NFIB: variants seen among roughly 807,000 people sequenced by gnomAD.
NFIB encodes nuclear factor 1 B-type.
In NFIB, 11 loss-of-function variants were observed where a neutral mutation model predicts 61.5. The observed-to-expected ratio is 0.18, with a 90% confidence interval of 0.11 to 0.30. The LOEUF is 0.30. Among genes scored for constraint, NFIB ranks in the 10% least tolerant of loss-of-function variants. The pLI is 1.00. For synonymous variants in NFIB, 260 were observed against 216.5 expected, an observed-to-expected ratio of 1.20 and a Z score of -1.76; for missense variants, 471 against 608.9, an observed-to-expected ratio of 0.77 and a Z score of 2.38.
intron 1 of NFIB, among the ~76,000 whole-genome samples, chr9:14,334,574 C>T (rs1171114314): frequency 6.6e-6 from 1 of 152,130 alleles, no homozygotes; most frequent in African/African-American, 2.4e-5. Flanking sequence ...GTATACTCTA[C>T]ACGTGAGTCC....
At chr9:14,178,704 C>G (rs1368385736) in intron 3 of NFIB, among the ~76,000 whole-genome samples, 1 of 152,066 alleles carries the variant, frequency 6.6e-6, no homozygotes, top group Non-Finnish European at 1.5e-5. Flanking sequence ...CTGTATCTTT[C>G]TAAAATCATT....
chr9:14,220,890 A>ACACACACCACAT (rs2131830310), intron 2 of NFIB, among the ~76,000 whole-genome samples: 1 of 74,334 alleles, frequency 1.3e-5, no homozygotes, highest in African/African-American at 4.8e-5. Context: ...CACACACCAC[A>ACACACACCACAT]TCCCATCTTC....
chr9:14,392,881 T>C (rs2061641837), intron 1 of NFIB, among the ~76,000 whole-genome samples: 1 of 152,226 alleles, frequency 6.6e-6, no homozygotes, highest in Admixed American at 6.5e-5. Context: ...GGTTAATCCA[T>C]GAGCTGCTTA....
chr9:14,114,032 G>T (rs552120469), intron 9 of NFIB, among the ~76,000 whole-genome samples: 1 of 152,136 alleles, frequency 6.6e-6, no homozygotes, highest in Non-Finnish European at 1.5e-5. Flanking sequence ...TTATTGTTCT[G>T]AAGAAAGCTA....
chr9:14,398,296 T>TTATC (rs1341631229), intron 1 of NFIB, among the ~76,000 whole-genome samples: 1 of 152,172 alleles, frequency 6.6e-6, no homozygotes, highest in African/African-American at 2.4e-5. Flanking sequence ...CATCTACAAT[T>TTATC]TATCCCCCAG....
At chr9:14,388,409 AAGGAAGGAAGGAAGGAAG>A (rs2061578309) in intron 1 of NFIB, among the ~76,000 whole-genome samples, 1 of 141,268 alleles carries the variant, frequency 7.1e-6, no homozygotes, top group African/African-American at 2.8e-5. Context: ...GGAAGGAAGG[AAGGAAGGAAGGAAGGAAG>A]GAGAGAGAAA....
chr9:14,437,357 C>A, the NFIB span, among the ~76,000 whole-genome samples: 1 of 152,176 alleles, frequency 6.6e-6, no homozygotes, highest in Admixed American at 6.5e-5. Context: ...ATGTTGTCAG[C>A]CTTATTTCCC....
intron 2 of NFIB, among the ~76,000 whole-genome samples, chr9:14,195,624 A>T (rs2048387122): frequency 6.6e-6 from 1 of 152,348 alleles, no homozygotes; most frequent in East Asian, 1.9e-4. Flanking sequence ...TTGCAGACCA[A>T]ATCTGAATTT....
the NFIB span, among the ~76,000 whole-genome samples, chr9:14,456,518 A>G: frequency 6.6e-6 from 1 of 152,208 alleles, no homozygotes; most frequent in Non-Finnish European, 1.5e-5. Context: ...CACTAGGAAA[A>G]TTAAAATAAA....
intron 2 of NFIB, among the ~76,000 whole-genome samples, chr9:14,196,630 C>T (rs966452232): frequency 4.0e-5 from 6 of 151,448 alleles, no homozygotes; most frequent in African/African-American, 1.2e-4. Context: ...TCCAAGGCTC[C>T]TTGAAATCAG....
chr9:14,439,125 C>T, the NFIB span, among the ~76,000 whole-genome samples: 944 of 152,268 alleles, frequency 6.2e-3, 32 homozygotes, highest in East Asian at 0.051. Context: ...AATCCCAGCA[C>T]TTTGGGAGGC....
At chr9:14,208,752 G>A (rs924692275) in intron 2 of NFIB, among the ~76,000 whole-genome samples, 3 of 152,040 alleles carry the variant, frequency 2.0e-5, no homozygotes, top group African/African-American at 7.2e-5. Flanking sequence ...AAGATATACA[G>A]TATTCTATTC....
chr9:14,135,977 C>T (rs968409722), intron 6 of NFIB, among the ~76,000 whole-genome samples: 3 of 152,174 alleles, frequency 2.0e-5, no homozygotes, highest in East Asian at 1.9e-4. Context: ...AGCCCAAGCA[C>T]GGTTAAGTAG....
At chr9:14,316,481 C>CGCCCCT (rs1363591081), upstream of NFIB, among the ~76,000 whole-genome samples, 3 of 152,254 alleles carry the variant, frequency 2.0e-5, no homozygotes, top group Admixed American at 6.5e-5. Flanking sequence ...CTGCGGTCCC[C>CGCCCCT]GCCCCTGCCC....
At chr9:14,478,496 T>C in the NFIB span, among the ~76,000 whole-genome samples, 1 of 152,220 alleles carries the variant, frequency 6.6e-6, no homozygotes, top group Non-Finnish European at 1.5e-5. Flanking sequence ...CCTAAAGAGA[T>C]CTTGTATAAA....
chr9:14,306,834 G>A (rs1033532346), intron 2 of NFIB, among the ~76,000 whole-genome samples, 155 bp downstream of exon 2: 1 of 152,090 alleles, frequency 6.6e-6, no homozygotes, highest in Non-Finnish European at 1.5e-5. Flanking sequence ...ACATGGCAGC[G>A]GACATGTGAG....
At chr9:14,147,543 T>G (rs539846663) in intron 5 of NFIB, among the ~76,000 whole-genome samples, 1 of 151,862 alleles carries the variant, frequency 6.6e-6, no homozygotes, top group Non-Finnish European at 1.5e-5. Context: ...TATTCTTTAC[T>G]TTTTCTTAAA....
intron 1 of NFIB, among the ~76,000 whole-genome samples, chr9:14,381,765 G>C (rs1239688239): frequency 6.6e-6 from 1 of 152,260 alleles, no homozygotes; most frequent in East Asian, 1.9e-4. Flanking sequence ...AAAGAACCCA[G>C]TGGAAATTCA....
the NFIB span, among the ~76,000 whole-genome samples, chr9:14,518,976 G>A: frequency 1.3e-5 from 2 of 152,148 alleles, no homozygotes; most frequent in Non-Finnish European, 2.9e-5. Flanking sequence ...GTTGCCTGGA[G>A]CCATTATTGC....
Sources: gnomAD v4.1 joint callset for allele counts (sites outside exome capture counted in the v4.1 genomes callset) on GRCh38, gnomAD v4.1.1 for gene constraint, MANE v1.5 for transcripts, NCBI Gene and HGNC (gene_info 2026-07-23, HGNC 2026-07-21) for gene names.